The following SLC43A2 variants were observed in gnomAD, a reference collection of about 807,000 sequenced individuals.
SLC43A2 encodes solute carrier family 43 member 2, also known as large neutral amino acids transporter small subunit 4.
A neutral mutation model predicts 63.2 loss-of-function variants in SLC43A2; 38 were observed. The observed-to-expected ratio is 0.60, with a 90% confidence interval of 0.46 to 0.79. The LOEUF (loss-of-function observed/expected upper bound fraction) is 0.79, where lower values mean the gene tolerates loss of function less well. Ranked by LOEUF, SLC43A2 falls within the 30% of genes least tolerant of loss-of-function variation. The pLI, the probability that SLC43A2 is intolerant of heterozygous loss-of-function variation, is 0.00. For missense variants in SLC43A2, 644 were observed against 756.2 expected, an observed-to-expected ratio of 0.85 and a Z score of 1.74; for synonymous variants, 322 against 331.0, an observed-to-expected ratio of 0.97 and a Z score of 0.30.
Position 1,593,404 on chromosome 17 carries a change from C to G in SLC43A2, c.502-125G>C. Reference sequence around the variant, plus strand: ...CCTGCGCCCCTTCCTGTGTGACTCACAGGGGCATTAGTTCAGGGGCAATGA... The same window carrying G: ...CCTGCGCCCCTTCCTGTGTGACTCAGAGGGGCATTAGTTCAGGGGCAATGA... On this transcript the variant is annotated intron_variant, in intron 5 of 13. Transcript: ENST00000301335. The surrounding 1 kb of genome is among the most constrained non-coding windows in gnomAD (Gnocchi z 5.3). The G allele has an allele frequency of 1.2e-6, 1 of 829,972 alleles. No homozygotes were observed. The highest frequency in any genetic ancestry group is 2.0e-6 in the Non-Finnish European group (1 of 505,146). 51.4% of individuals were successfully genotyped at this position (829,972 alleles called of 1,614,324 possible).
intron 9 of SLC43A2, among the ~76,000 whole-genome samples, chr17:1,586,480 A>G (rs901860649): frequency 3.9e-5 from 6 of 152,228 alleles, no homozygotes; most frequent in Non-Finnish European, 7.4e-5. Context: ...GCGGATCACG[A>G]GGTCAGGAGT....
At chr17:1,584,736 T>C (rs541642575) in intron 10 of SLC43A2, among the ~76,000 whole-genome samples, 17 of 150,566 alleles carry the variant, frequency 1.1e-4, no homozygotes, top group South Asian at 6.3e-4. Flanking sequence ...AGGAGAATGG[T>C]GTGAACCCGG....
intron 5 of SLC43A2, among the ~76,000 whole-genome samples, chr17:1,599,841 G>A (rs567302646): frequency 1.2e-3 from 183 of 149,970 alleles, no homozygotes; most frequent in Middle Eastern, 0.011. Context: ...TCAGGAGATC[G>A]AGACCATCCT....
At chr17:1,584,415 C>G (rs955374560) in intron 10 of SLC43A2, among the ~76,000 whole-genome samples, 2 of 152,118 alleles carry the variant, frequency 1.3e-5, no homozygotes, top group African/African-American at 4.8e-5. Flanking sequence ...GTCCCCACTT[C>G]GCCAGGGTGC....
At chr17:1,604,299 C>T (rs996849997) in intron 5 of SLC43A2, 1 of 153,946 alleles carries the variant, frequency 6.5e-6, no homozygotes, top group Non-Finnish European at 1.4e-5. Flanking sequence ...GGTGATCCAT[C>T]CGCCTCGGCC....
chr17:1,599,751 A>G (rs545066435), intron 5 of SLC43A2, among the ~76,000 whole-genome samples: 40 of 151,640 alleles, frequency 2.6e-4, no homozygotes, highest in African/African-American at 7.5e-4. Context: ...TCTACAACTT[A>G]AAAAATTATT....
At position 1,575,388 on chromosome 17, in the gene SLC43A2, G is replaced by C; in HGVS notation, c.*216C>G. ...CCCGGGGGGCGGCAGAGCAAAGTCA[G>C]GGCAGCCCCTGCGTTCGGCAGGAGA... On this transcript the variant is annotated 3_prime_UTR_variant, in exon 14 of 14. Coordinates refer to ENST00000301335, the MANE Select transcript of SLC43A2 (RefSeq NM_152346.3). 1 of 629,700 alleles carries C rather than the reference G, an allele frequency of 1.6e-6. No individual in the cohort carries two copies. The allele number at this position is 629,700 out of a possible 1,614,324, so 39.0% of individuals were successfully genotyped here.
At chr17:1,586,478 C>T (rs1187101954) in intron 9 of SLC43A2, among the ~76,000 whole-genome samples, 2 of 152,038 alleles carry the variant, frequency 1.3e-5, no homozygotes, top group African/African-American at 2.4e-5. Context: ...GGGCGGATCA[C>T]GAGGTCAGGA....
intron 2 of SLC43A2, among the ~76,000 whole-genome samples, chr17:1,622,363 A>G (rs1355476676): frequency 1.3e-5 from 2 of 151,514 alleles, no homozygotes; most frequent in Non-Finnish European, 2.9e-5. Flanking sequence ...GGAGATCAAG[A>G]CCATCGTGGC....
Position 1,575,206 on chromosome 17 carries a change from C to CTGCATG in SLC43A2, c.*397_*398insCATGCA, listed in dbSNP as rs1444835971. 1 of 324,130 alleles carries CTGCATG rather than the reference C, an allele frequency of 3.1e-6. No homozygotes were observed. The highest frequency in any genetic ancestry group is 2.2e-5 in the African/African-American group (1 of 45,108). The allele number at this position is 324,130 out of a possible 1,614,324, so 20.1% of individuals were successfully genotyped here. On this transcript the variant is annotated 3_prime_UTR_variant, in exon 14 of 14. Coordinates refer to ENST00000301335, the MANE Select transcript of SLC43A2 (RefSeq NM_152346.3). ...AGCCTTTGTCCTCAGGCAGGTACGG[C>CTGCATG]TGTGGGCATGCAGCCGAGGGGCAGG...
In SLC43A2 at chr17:1,605,622, T is replaced by C. The variant is rs1243991129; in HGVS notation, c.501+7573A>G. ...GGGTGGGGGCTGGGGAGCTGGGTGG[T>C]GGGTGGGGGCTGGCATTCTGGCCCT... On this transcript the variant is annotated intron_variant, in intron 5 of 13. Coordinates refer to ENST00000301335, the MANE Select transcript of SLC43A2 (RefSeq NM_152346.3). The surrounding 1 kb of genome is among the most constrained non-coding windows in gnomAD (Gnocchi z 4.9). Among the ~76,000 whole-genome samples, 1 of 23,988 alleles carries C rather than the reference T, an allele frequency of 4.2e-5. No individual in the cohort carries two copies. The highest frequency in any genetic ancestry group is 8.0e-5 in the Non-Finnish European group (1 of 12,428). 15.7% of individuals were successfully genotyped at this position (23,988 alleles called of 152,430 possible).
At chr17:1,603,310 C>T (rs1241125711) in intron 5 of SLC43A2, 1 of 152,048 alleles carries the variant, frequency 6.6e-6, no homozygotes, top group East Asian at 1.9e-4. Flanking sequence ...CTTCTCCTGT[C>T]CTTGTTATTC....
Position 1,590,795 on chromosome 17 carries a change from C to G in SLC43A2, c.1078+7G>C. 1 of 1,552,892 alleles carries G rather than the reference C, an allele frequency of 6.4e-7. No individual in the cohort carries two copies. Among genetic ancestry groups the G allele is most frequent in the Middle Eastern group, 1.9e-4 (1 of 5,188 alleles). ...TGACAGCGACCGAGGCTGCCCGGGG[C>G]ACCTACCTGTCTTCTGGTCGCCGCT... On this transcript the variant is annotated splice_region_variant and intron_variant, in intron 9 of 13. Transcript: ENST00000301335.
At chr17:1,626,097 A>T (rs1254532054) in intron 2 of SLC43A2, among the ~76,000 whole-genome samples, 1 of 151,332 alleles carries the variant, frequency 6.6e-6, no homozygotes, top group Non-Finnish European at 1.5e-5. Context: ...ACACAAAAAA[A>T]CACCTGCCCA....
At chr17:1,614,111 C>T (rs1907373153) in intron 4 of SLC43A2, among the ~76,000 whole-genome samples, 1 of 152,058 alleles carries the variant, frequency 6.6e-6, no homozygotes, top group African/African-American at 2.4e-5. Flanking sequence ...GGCGTGGTGG[C>T]GGGTGCCCGT....
intron 9 of SLC43A2, chr17:1,587,092 GTTTCCCGCACTGCA>G: frequency 9.4e-7 from 1 of 1,062,652 alleles, no homozygotes; most frequent in Admixed American, 2.3e-5. Context: ...CCCACACTGC[GTTTCCCGCACTGCA>G]TTTCCCACTA....
intron 11 of SLC43A2, among the ~76,000 whole-genome samples, chr17:1,582,779 T>C (rs1301967982): frequency 6.6e-6 from 1 of 152,118 alleles, no homozygotes; most frequent in East Asian, 1.9e-4. Flanking sequence ...GTGGAATGAA[T>C]GAAAGTCATC....
intron 2 of SLC43A2, among the ~76,000 whole-genome samples, chr17:1,622,241 A>T (rs1172103834): frequency 1.3e-5 from 2 of 152,252 alleles, no homozygotes; most frequent in African/African-American, 4.8e-5. Context: ...AGTCATATTT[A>T]TAGCAATAAA....
Position 1,589,480 on chromosome 17 carries a change from C to G in SLC43A2, c.1078+1322G>C, listed in dbSNP as rs192465378. 1.3e-4 allele frequency among the ~76,000 whole-genome samples: 20 copies of G among 152,220 alleles called. No individual in the cohort carries two copies. The East Asian group carries it at 3.9e-3, about 29-fold the overall frequency. On this transcript the variant is annotated intron_variant, in intron 9 of 13. Transcript: ENST00000301335. ...ATTAGCTGGGTGTGGTGGCGCGCAC[C>G]TGGGGAGCCCTAAGAGGTCAAGGCT...
Sources: gnomAD v4.1 joint callset for allele counts (sites outside exome capture counted in the v4.1 genomes callset) on GRCh38, gnomAD v4.1.1 for gene constraint, Gnocchi (gnomAD v3.1) non-coding constraint, MANE v1.5 for transcripts, NCBI Gene and HGNC (gene_info 2026-07-23, HGNC 2026-07-21) for gene names.